Variants in PTGR2 observed in about 807,000 individuals in gnomAD.
PTGR2 encodes the protein prostaglandin reductase 2.
In PTGR2, 32 loss-of-function variants were observed where a neutral mutation model predicts 43.4. That is an observed-to-expected ratio of 0.74 (90% CI 0.56 to 0.99). The LOEUF is 0.99. PTGR2 is among the 50% of genes least tolerant of loss of function. The probability of loss-of-function intolerance (pLI) is 0.00; values close to 1 mark genes in which losing one functional copy is unlikely to be tolerated. For synonymous variants in PTGR2, 106 were observed against 139.2 expected (o/e 0.76, Z 1.68); for missense variants, 373 against 420.0 (o/e 0.89, Z 0.98).
chr14:73,861,011 A>G (rs2054476751), intron 3 of PTGR2: 1 of 157,620 alleles, frequency 6.3e-6, no homozygotes, highest in Non-Finnish European at 1.4e-5. Flanking sequence ...TCCACTTTAT[A>G]AGAGAGGCTA....
chr14:73,883,186 CCCTTT>C (rs2034110455), intron 9 of PTGR2, among the ~76,000 whole-genome samples: 1 of 91,478 alleles, frequency 1.1e-5, no homozygotes, highest in Admixed American at 1.3e-4. Context: ...CCCCTCACCT[CCCTTT>C]TTTTTTTTTT....
intron 3 of PTGR2, among the ~76,000 whole-genome samples, chr14:73,869,696 C>T (rs1316783267): frequency 1.3e-5 from 2 of 151,894 alleles, no homozygotes; most frequent in East Asian, 3.9e-4. Flanking sequence ...CTTTGGGATA[C>T]TTTCACTAGA....
At chr14:73,866,953 G>A (rs578152995) in intron 3 of PTGR2, among the ~76,000 whole-genome samples, 1 of 151,942 alleles carries the variant, frequency 6.6e-6, no homozygotes, top group Non-Finnish European at 1.5e-5. Flanking sequence ...GCCGGGTGTG[G>A]TGGCAGGCAC....
rs1028320984 is a variant in PTGR2 at position 73,885,218 on chromosome 14, G to C, written c.*1041G>C. On this transcript the variant is annotated 3_prime_UTR_variant, in exon 10 of 10. Transcript: ENST00000555661. ...GCTGGAGAATCATTTGAACCTGGGA[G>C]GGGGAGGTTGCCGTGAGCTGAGCTT... 1 of 152,262 alleles carries C rather than the reference G, an allele frequency of 6.6e-6. No individual in the cohort carries two copies. The highest frequency in any genetic ancestry group is 2.4e-5 in the African/African-American group (1 of 41,464). The allele number at this position is 152,262 out of a possible 1,614,324, so 9.4% of individuals were successfully genotyped here.
At chr14:73,863,532 C>G (rs1234064464) in intron 3 of PTGR2, among the ~76,000 whole-genome samples, 1 of 151,734 alleles carries the variant, frequency 6.6e-6, no homozygotes, top group Non-Finnish European at 1.5e-5. Context: ...TGAATCATTG[C>G]AAAGAATAAA....
intron 3 of PTGR2, among the ~76,000 whole-genome samples, chr14:73,868,864 T>C (rs1221146504): frequency 6.6e-6 from 1 of 152,118 alleles, no homozygotes; most frequent in Non-Finnish European, 1.5e-5. Context: ...TGCTTCCCCA[T>C]GCGACCCTTC....
rs146130737 is a variant in PTGR2 at position 73,872,508 on chromosome 14, C to T, written c.157-1515C>T. 2.8e-3 allele frequency among the ~76,000 whole-genome samples: 426 copies of T among 152,232 alleles called. 2 individuals are homozygous for T. The highest frequency in any genetic ancestry group is 9.8e-3 in the African/African-American group (408 of 41,518). ...TTTGTATTATTTTTTGCTGGTATAA[C>T]GTGTATAATATTACTTCAGTTTCCT... is the stretch of plus-strand genomic sequence containing the variant. On this transcript the variant is annotated intron_variant, in intron 3 of 9. Coordinates refer to ENST00000555661, the MANE Select transcript of PTGR2 (RefSeq NM_001146154.2).
Position 73,882,411 on chromosome 14 carries a change from G to A in PTGR2, c.952G>A (p.Val318Ile), listed in dbSNP as rs753843788. 2.5e-6 allele frequency: 4 copies of A among 1,573,340 alleles called. No individual in the cohort carries two copies. Among genetic ancestry groups the A allele is most frequent in the African/African-American group, 2.7e-5 (2 of 74,018 alleles). ...TTTTGATTTACAGATTAAAGAGACGGTAATAAATGGGTTGGAAAACATGGG... is the reference window on the plus strand; with the variant it reads ...TTTTGATTTACAGATTAAAGAGACGATAATAAATGGGTTGGAAAACATGGG... ...KEGKLKIKET[V>I]INGLENMGAA... The change falls in exon 9 of 10, where the codon GTA becomes ATA. Residue 318 changes from valine to isoleucine, a missense_variant. Coordinates refer to ENST00000555661, the MANE Select transcript of PTGR2 (RefSeq NM_001146154.2).
intron 4 of PTGR2, among the ~76,000 whole-genome samples, chr14:73,876,412 T>C (rs915016033): frequency 2.6e-5 from 4 of 151,840 alleles, no homozygotes; most frequent in Non-Finnish European, 5.9e-5. Flanking sequence ...TGCTGTGTCC[T>C]CAGGCAGTCT....
chr14:73,878,292 G>A (rs2054909754), intron 5 of PTGR2: 1 of 152,026 alleles, frequency 6.6e-6, no homozygotes, highest in Non-Finnish European at 1.5e-5. Flanking sequence ...GTGATGTTTT[G>A]GGTCTGATTA....
chr14:73,859,558 C>G (rs1186849967), intron 2 of PTGR2, among the ~76,000 whole-genome samples: 1 of 151,884 alleles, frequency 6.6e-6, no homozygotes, highest in African/African-American at 2.4e-5. Context: ...TTCCTACTTC[C>G]TATTTTTTCA....
intron 8 of PTGR2, 27 bp from the exon 9 acceptor site, chr14:73,882,370 CTA>C (rs1191949967): frequency 2.9e-6 from 4 of 1,387,010 alleles, no homozygotes; most frequent in Admixed American, 1.8e-5. Context: ...AGTTTAAAGA[CTA>C]TTAAATCTAG....
At chr14:73,867,502 TA>T (rs35088714) in intron 3 of PTGR2, among the ~76,000 whole-genome samples, 17,176 of 148,802 alleles carry the variant, frequency 0.12, 1,267 homozygotes, top group Admixed American at 0.2. Context: ...TTTCTGTCTT[TA>T]AAAAAAAAAG....
rs554662206 is a variant in PTGR2, at chr14:73,870,335, C to T, written c.157-3688C>T. ...CTGGGATTACAGATGCCTGCCACCA[C>T]GCCCAGCTAATTTTTGTATTTTTTA... On this transcript the variant is annotated intron_variant, in intron 3 of 9. Coordinates refer to ENST00000555661, the MANE Select transcript of PTGR2 (RefSeq NM_001146154.2). Among the ~76,000 whole-genome samples, 524 of 151,814 alleles carry T rather than the reference C, an allele frequency of 3.5e-3. 2 individuals carry two copies. Among genetic ancestry groups the T allele is most frequent in the Non-Finnish European group, 5.2e-3 (356 of 67,942 alleles).
At chr14:73,866,472 G>C (rs1409297009) in intron 3 of PTGR2, among the ~76,000 whole-genome samples, 2 of 151,890 alleles carry the variant, frequency 1.3e-5, no homozygotes, top group African/African-American at 4.8e-5. Flanking sequence ...GGCTCTTCTG[G>C]GTCCCATGAA....
At chr14:73,882,879 G>A (rs1322506845) in intron 9 of PTGR2, among the ~76,000 whole-genome samples, 1 of 125,798 alleles carries the variant, frequency 7.9e-6, no homozygotes, top group Admixed American at 9.7e-5. Flanking sequence ...GGAGTGCAGT[G>A]GTATGATCTT....
At chr14:73,870,953 C>T (rs1173374756) in intron 3 of PTGR2, among the ~76,000 whole-genome samples, 1 of 152,148 alleles carries the variant, frequency 6.6e-6, no homozygotes, top group African/African-American at 2.4e-5. Flanking sequence ...CACACAATTC[C>T]TAAAGCCCTT....
At chr14:73,880,230 T>C (rs1453467718) in intron 7 of PTGR2, 54 bp downstream of exon 7, 7 of 1,587,856 alleles carry the variant, frequency 4.4e-6, no homozygotes, top group Non-Finnish European at 6.0e-6. Flanking sequence ...TTAAATATCA[T>C]AGATGTGTAT....
chr14:73,879,380 G>A (rs1016909637), intron 6 of PTGR2, 75 bp downstream of exon 6: 1 of 1,317,888 alleles, frequency 7.6e-7, no homozygotes. Context: ...CTAATACTGA[G>A]AAAAAAATTT....
Sources: gnomAD v4.1 joint callset for allele counts (sites outside exome capture counted in the v4.1 genomes callset) on GRCh38, gnomAD v4.1.1 for gene constraint, MANE v1.5 for transcripts, NCBI Gene and HGNC (gene_info 2026-07-23, HGNC 2026-07-21) for gene names.